The following SMARCB1 variants were observed in gnomAD, a reference collection of about 807,000 sequenced individuals.
The protein encoded by SMARCB1 is SWI/SNF-related matrix-associated actin-dependent regulator of chromatin subfamily B member 1.
A neutral mutation model predicts 49.0 loss-of-function variants in SMARCB1; 5 were observed. The ratio of observed to expected loss-of-function variants is 0.10; its 90% CI spans 0.05 to 0.21. The LOEUF (loss-of-function observed/expected upper bound fraction) is 0.21. Ranked by LOEUF, SMARCB1 falls within the 10% of genes least tolerant of loss-of-function variation. The pLI is 1.00. For missense variants in SMARCB1, 226 were observed against 509.2 expected (o/e 0.44, Z 5.35); for synonymous variants, 201 against 200.1 (o/e 1.00, Z -0.04).
chr22:23,834,523 A>G lies in SMARCB1; in HGVS notation c.*343A>G. On this transcript the variant is annotated 3_prime_UTR_variant, in exon 9 of 9. Coordinates refer to ENST00000644036, the MANE Select transcript of SMARCB1 (RefSeq NM_003073.5). ...TCATGTTCAATTTCTTCAACAGGTCATGTTCAATTTCTTCAAAGTTTTAAC... is the reference window on the plus strand; with the variant it reads ...TCATGTTCAATTTCTTCAACAGGTCGTGTTCAATTTCTTCAAAGTTTTAAC... 1.4e-6 allele frequency: 1 copy of G among 697,698 alleles called. No individual in the cohort carries two copies. Among genetic ancestry groups the G allele is most frequent in the South Asian group, 1.5e-5 (1 of 66,542 alleles). The allele number at this position is 697,698 out of a possible 1,614,324, so 43.2% of individuals were successfully genotyped here.
chr22:23,787,737 C>G (rs1351028335), intron 1 of SMARCB1, among the ~76,000 whole-genome samples: 1 of 152,136 alleles, frequency 6.6e-6, no homozygotes, highest in Non-Finnish European at 1.5e-5. Context: ...GTGTTTGTTG[C>G]CTCTTAGGTG....
chr22:23,813,413 A>T (rs922133074), intron 5 of SMARCB1, among the ~76,000 whole-genome samples: 7 of 152,234 alleles, frequency 4.6e-5, no homozygotes, highest in African/African-American at 1.7e-4. Flanking sequence ...GAGAACTAAT[A>T]ACTGAATTCC....
intron 5 of SMARCB1, among the ~76,000 whole-genome samples, chr22:23,804,956 A>C (rs1443645548): frequency 2.6e-5 from 4 of 152,226 alleles, no homozygotes; most frequent in African/African-American, 9.6e-5. Context: ...ACGTAGTTGC[A>C]GCATTTTTCT....
In SMARCB1 at chr22:23,808,977, C is replaced by T. The variant is rs543632532; in HGVS notation, c.628+5555C>T. ...CCTCCTAAAGTGCTGGGATTACAGG[C>T]GTGAGCCACTGTGCTCGGCCAATTT... On this transcript the variant is annotated intron_variant, in intron 5 of 8. Transcript: ENST00000644036. 6.4e-3 allele frequency among the ~76,000 whole-genome samples: 973 copies of T among 151,816 alleles called. 8 individuals are homozygous for T. Among genetic ancestry groups the T allele is most frequent in the Non-Finnish European group, 0.011 (749 of 67,944 alleles).
chr22:23,820,672 T>G (rs552046104), intron 6 of SMARCB1, among the ~76,000 whole-genome samples: 120 of 152,346 alleles, frequency 7.9e-4, no homozygotes, highest in Non-Finnish European at 1.4e-3. Flanking sequence ...TCTCTTTACT[T>G]GTTAATACCT....
intron 7 of SMARCB1, chr22:23,825,693 C>A (rs925909786): frequency 3.2e-5 from 16 of 498,830 alleles, no homozygotes; most frequent in African/African-American, 3.1e-4. Context: ...GGAGCCCTGG[C>A]CTGCCCCCAC....
rs1368173269 is a variant in SMARCB1, at chr22:23,834,308, T to C, written c.*128T>C. 6.7e-6 allele frequency: 7 copies of C among 1,051,770 alleles called. 1 individual carries two copies. The East Asian group carries it at 1.3e-4, about 19-fold the overall frequency. The allele number at this position is 1,051,770 out of a possible 1,614,324, so 65.2% of individuals were successfully genotyped here. ...TCCTGAGGATCGGGTGGGGGTGGAG[T>C]GGGGGCTTCCAGGTGGCCCTTCCCG... On this transcript the variant is annotated 3_prime_UTR_variant, in exon 9 of 9. Coordinates refer to ENST00000644036, the MANE Select transcript of SMARCB1 (RefSeq NM_003073.5).
At chr22:23,816,997 G>A in intron 6 of SMARCB1, 61 bp downstream of exon 6, 1 of 1,387,818 alleles carries the variant, frequency 7.2e-7, no homozygotes, top group Non-Finnish European at 1.0e-6. Context: ...TGTCATCATG[G>A]AGCACTGAGG....
chr22:23,825,813 A>G (rs34974479), intron 7 of SMARCB1: 10,377 of 211,190 alleles, frequency 0.049, 1,077 homozygotes, highest in African/African-American at 0.22. Flanking sequence ...TTGAACTTGA[A>G]TTATGTCTTA....
At chr22:23,795,026 A>C (rs1928650625) in intron 3 of SMARCB1, among the ~76,000 whole-genome samples, 1 of 152,208 alleles carries the variant, frequency 6.6e-6, no homozygotes, top group African/African-American at 2.4e-5. Flanking sequence ...TTATACAACA[A>C]ACTTGGATAC....
At chr22:23,819,144 G>A (rs780610431) in intron 6 of SMARCB1, among the ~76,000 whole-genome samples, 3 of 152,160 alleles carry the variant, frequency 2.0e-5, no homozygotes, top group Admixed American at 1.3e-4. Context: ...GAGCCACTGC[G>A]CCCAGCCTCC....
chr22:23,816,960 T>C (rs1181169981), intron 6 of SMARCB1, 24 bp downstream of exon 6: 3 of 1,607,102 alleles, frequency 1.9e-6, no homozygotes, highest in Non-Finnish European at 2.6e-6. Flanking sequence ...CACCCAGCAC[T>C]GGAGCCTTCC....
At position 23,834,045 on chromosome 22, in the gene SMARCB1, C is replaced by T. The variant is rs1005421090; in HGVS notation, c.1119-96C>T. Reference sequence around the variant, plus strand: ...GGGGCCCACATCCTGCCTCTGTTCCCACCCCTACACTTGGCTGCCCTGTAG... The same window carrying T: ...GGGGCCCACATCCTGCCTCTGTTCCTACCCCTACACTTGGCTGCCCTGTAG... On this transcript the variant is annotated intron_variant, in intron 8 of 8. Transcript: ENST00000644036. 8 of 1,337,584 alleles carry T rather than the reference C, an allele frequency of 6.0e-6. No homozygotes were observed. In the African/African-American group the frequency reaches 7.3e-5, roughly 12 times the overall value. The allele number at this position is 1,337,584 out of a possible 1,614,324, so 82.9% of individuals were successfully genotyped here.
intron 6 of SMARCB1, chr22:23,817,375 G>A (rs930878479): frequency 7.1e-6 from 2 of 281,252 alleles, no homozygotes; most frequent in Admixed American, 4.5e-5. Flanking sequence ...TGAGGCTGGC[G>A]ATTGGGCGCA....
At chr22:23,817,306 G>A in intron 6 of SMARCB1, 1 of 353,114 alleles carries the variant, frequency 2.8e-6, no homozygotes, top group Admixed American at 4.0e-5. Flanking sequence ...GTGAAGAGGT[G>A]GGCACGTGGA....
intron 7 of SMARCB1, among the ~76,000 whole-genome samples, chr22:23,832,032 A>G (rs1261544264): frequency 6.6e-6 from 1 of 152,194 alleles, no homozygotes; most frequent in Non-Finnish European, 1.5e-5. Flanking sequence ...TGCTGCAGGG[A>G]GAGCCAGCTG....
In SMARCB1 at chr22:23,837,644, T is replaced by C. The variant is rs1284399786; in HGVS notation, c.*3464T>C. 6 of 1,609,370 alleles carry C rather than the reference T, an allele frequency of 3.7e-6. No homozygotes were observed. Among genetic ancestry groups the C allele is most frequent in the Non-Finnish European group, 4.2e-6 (5 of 1,177,102 alleles). On this transcript the variant is annotated 3_prime_UTR_variant, in exon 9 of 9. Transcript: ENST00000644036. ...TGGCCAGCCTGGGGCGGACTAGATG[T>C]ACCGGGAGGCTCACCCAGCAGGTCC... is the stretch of plus-strand genomic sequence containing the variant.
intron 5 of SMARCB1, chr22:23,815,656 G>C (rs886374666): frequency 2.6e-5 from 4 of 152,212 alleles, no homozygotes; most frequent in African/African-American, 9.6e-5. Context: ...TATAATAGCG[G>C]GAAACTGGAA....
rs1012543428 is a variant in SMARCB1, at chr22:23,813,838, A to T, written c.629-2932A>T. ...AAGCAATTTATTTATTATTATTATTATTTTTTTTTGAGATGGAGTTTTGCT... is the reference window on the plus strand; with the variant it reads ...AAGCAATTTATTTATTATTATTATTTTTTTTTTTTGAGATGGAGTTTTGCT... On this transcript the variant is annotated intron_variant, in intron 5 of 8. Transcript: ENST00000644036. 2.6e-4 allele frequency among the ~76,000 whole-genome samples: 40 copies of T among 151,822 alleles called. No homozygotes were observed. The East Asian group carries it at 3.5e-3, about 13-fold the overall frequency.
Sources: gnomAD v4.1 joint callset for allele counts (sites outside exome capture counted in the v4.1 genomes callset) on GRCh38, gnomAD v4.1.1 for gene constraint, MANE v1.5 for transcripts, NCBI Gene and HGNC (gene_info 2026-07-23, HGNC 2026-07-21) for gene names.